TOP2B: variants seen among roughly 807,000 people sequenced by gnomAD.
TOP2B encodes the protein DNA topoisomerase II beta, also known as DNA topoisomerase 2-beta.
A neutral mutation model predicts 193.5 loss-of-function variants in TOP2B; 51 were observed. That is an observed-to-expected ratio of 0.26 (90% CI 0.21 to 0.33). The LOEUF is 0.33. Ranked by LOEUF, TOP2B falls within the 10% of genes least tolerant of loss-of-function variation. TOP2B has a pLI of 1.00. For synonymous variants in TOP2B, 634 were observed against 635.7 expected (o/e 1.00, Z 0.04); for missense variants, 1,378 against 1,909.3 (o/e 0.72, Z 5.19).
chr3:25,628,923 G>C lies in TOP2B; in HGVS notation c.1830C>G (p.Phe610Leu). ...KASKNKQELS[F>L]YSIPEFDEWK... is the part of the protein sequence containing the mutation. Reference sequence around the variant, plus strand: ...ATTCGTCAAATTCAGGAATACTGTAGAAGGAAAGTTCCTGCTTATTTTTGC... The same window carrying C: ...ATTCGTCAAATTCAGGAATACTGTACAAGGAAAGTTCCTGCTTATTTTTGC... Residue 610 changes from phenylalanine (F) to leucine (L), a missense_variant, in exon 15 of 36, where the codon TTC becomes TTG. Coordinates refer to ENST00000264331, the MANE Select transcript of TOP2B (RefSeq NM_001330700.2). 6.3e-7 allele frequency: 1 copy of C among 1,598,642 alleles called. No homozygotes were observed. Among genetic ancestry groups the C allele is most frequent in the Non-Finnish European group, 8.5e-7 (1 of 1,175,592 alleles).
chr3:25,634,314 G>T lies in TOP2B; in HGVS notation c.853-300C>A, dbSNP rs190275061. 6.8e-4 allele frequency among the ~76,000 whole-genome samples: 104 copies of T among 152,210 alleles called. 3 individuals carry two copies. In the East Asian group the frequency reaches 0.018, roughly 27 times the overall value. The stretch of plus-strand genomic sequence containing the variant: ...TAGACTTCCAGTTTCAGTTCAGACA[G>T]ATAATGAACTAGCAGGAAAAAAAGC... On this transcript the variant is annotated intron_variant, in intron 7 of 35. Transcript: ENST00000264331.
Position 25,624,444 on chromosome 3 carries a change from T to C in TOP2B, c.2348A>G (p.Gln783Arg), listed in dbSNP as rs753154522. 3 of 1,613,616 alleles carry C rather than the reference T, an allele frequency of 1.9e-6. No individual in the cohort carries two copies. The highest frequency in any genetic ancestry group is 2.5e-6 in the Non-Finnish European group (3 of 1,179,730). The change falls in exon 20 of 36, where the codon CAA (glutamine) becomes CGA (arginine). Residue 783 changes from glutamine to arginine, a missense_variant and splice_region_variant. Around this residue, in one of 9 missense-constraint regions of TOP2B, gnomAD observed 379 missense variants for 615.1 expected, o/e 0.62. Transcript: ENST00000264331. ...AEMSAYHHGE[Q>R]ALMMTIVNLA... ...ATTCACAATAGTCATCATCAATGCT[T>C]GCTATACAACAGAAGAAGGCAGAAC...
chr3:25,626,447 T>G, intron 18 of TOP2B, 113 bp downstream of exon 18: 1 of 568,914 alleles, frequency 1.8e-6, no homozygotes. Flanking sequence ...AAGCTCTTCA[T>G]ATACAAGATT....
rs773221985 is a variant in TOP2B, at chr3:25,601,109, T to C, written c.4606A>G (p.Thr1536Ala). Residue 1536 changes from threonine to alanine, a missense_variant, in exon 34 of 36, where the codon ACA (threonine) becomes GCA (alanine). Around this residue, in one of 9 missense-constraint regions of TOP2B, gnomAD observed 556 missense variants for 584.2 expected, o/e 0.95. Coordinates refer to ENST00000264331, the MANE Select transcript of TOP2B (RefSeq NM_001330700.2). ...SEFGIPKKTTTPKGKGRGAKK... is the reference protein window; with the variant it reads ...SEFGIPKKTTAPKGKGRGAKK... ...AGAAGATAATCCTCACCTTTTGGTG[T>C]TGTAGTCTTCTTTGGAATGCCAAAT... is the stretch of plus-strand genomic sequence containing the variant. 3 of 1,613,666 alleles carry C rather than the reference T, an allele frequency of 1.9e-6. No homozygotes were observed.
intron 1 of TOP2B, among the ~76,000 whole-genome samples, chr3:25,647,375 A>G (rs939911640): frequency 2.6e-5 from 4 of 152,208 alleles, no homozygotes; most frequent in Non-Finnish European, 5.9e-5. Context: ...GATAGATGCT[A>G]TGGAATCGAA....
At chr3:25,654,286 G>C (rs1430245353) in intron 1 of TOP2B, among the ~76,000 whole-genome samples, 3 of 152,084 alleles carry the variant, frequency 2.0e-5, no homozygotes, top group African/African-American at 4.8e-5. Flanking sequence ...TTTTCATGCA[G>C]TAACCATGAC....
chr3:25,598,876 G>GTGTT (rs760645867), intron 35 of TOP2B, among the ~76,000 whole-genome samples: 21 of 152,116 alleles, frequency 1.4e-4, no homozygotes, highest in Admixed American at 3.3e-4. Flanking sequence ...TGCACTGTAA[G>GTGTT]TGTTTAAAAA....
chr3:25,604,999 T>A, intron 32 of TOP2B, 129 bp from the exon 33 acceptor site: 1 of 638,188 alleles, frequency 1.6e-6, no homozygotes, highest in Non-Finnish European at 2.7e-6. Flanking sequence ...TGTGACCAAA[T>A]AATCCACAAT....
chr3:25,610,506 C>G (rs1371620791), intron 28 of TOP2B, among the ~76,000 whole-genome samples: 1 of 152,144 alleles, frequency 6.6e-6, no homozygotes, highest in African/African-American at 2.4e-5. Flanking sequence ...GGAAGGGCAT[C>G]CCAGGCAGAA....
intron 34 of TOP2B, among the ~76,000 whole-genome samples, chr3:25,600,860 A>C (rs1398649141): frequency 6.6e-6 from 1 of 152,156 alleles, no homozygotes; most frequent in Non-Finnish European, 1.5e-5. Context: ...ATTCTTAGGG[A>C]TTCTTATTTA....
intron 12 of TOP2B, 49 bp downstream of exon 12, chr3:25,630,263 T>G: frequency 6.5e-7 from 1 of 1,531,314 alleles, no homozygotes; most frequent in South Asian, 1.2e-5. Context: ...AAATGTCATA[T>G]GTATGTGTGC....
At chr3:25,651,320 A>G (rs1703581904) in intron 1 of TOP2B, among the ~76,000 whole-genome samples, 1 of 152,144 alleles carries the variant, frequency 6.6e-6, no homozygotes. Context: ...TATGGCATTG[A>G]AGTTACTAAT....
At chr3:25,659,486 T>A (rs1703847205) in intron 1 of TOP2B, among the ~76,000 whole-genome samples, 1 of 152,252 alleles carries the variant, frequency 6.6e-6, no homozygotes, top group African/African-American at 2.4e-5. Context: ...AGCACTACGA[T>A]AATCTTAATT....
intron 1 of TOP2B, among the ~76,000 whole-genome samples, chr3:25,663,575 C>T (rs1375726886): frequency 1.3e-5 from 2 of 152,140 alleles, no homozygotes; most frequent in Admixed American, 6.5e-5. Flanking sequence ...ATCCATTCAG[C>T]CCTCACCCCG....
intron 3 of TOP2B, among the ~76,000 whole-genome samples, chr3:25,643,344 C>A (rs566847907): frequency 1.3e-5 from 2 of 152,276 alleles, no homozygotes; most frequent in South Asian, 4.1e-4. Context: ...CCCACCAACT[C>A]AACGAATCTG....
rs1702025799 is a variant in TOP2B at position 25,599,387 on chromosome 3, CT to C, written c.4710+47del. 1.9e-6 allele frequency: 3 copies of C among 1,570,426 alleles called. No individual in the cohort carries two copies. The African/African-American group carries it at 4.1e-5, about 21-fold the overall frequency. On this transcript the variant is annotated intron_variant, in intron 35 of 35. Transcript: ENST00000264331. Reference sequence around the variant, plus strand: ...TAAGCAAACTAAGTCACTTACAGATCTTTTTTTAAAAAGCCATGCACTAATA... The same window carrying C: ...TAAGCAAACTAAGTCACTTACAGATCTTTTTTAAAAAGCCATGCACTAATA...
At chr3:25,654,140 T>C (rs1462369478) in intron 1 of TOP2B, among the ~76,000 whole-genome samples, 2 of 152,202 alleles carry the variant, frequency 1.3e-5, no homozygotes, top group Admixed American at 6.5e-5. Flanking sequence ...ATAAAAGGCA[T>C]AGAAATTGGA....
At chr3:25,629,917 T>G (rs542701870) in intron 13 of TOP2B, 112 bp downstream of exon 13, 502 of 1,137,498 alleles carry the variant, frequency 4.4e-4, no homozygotes, top group Non-Finnish European at 5.8e-4. Context: ...TTCCTCCTGA[T>G]GTATAATCAC....
At chr3:25,631,364 A>G (rs546730584) in intron 10 of TOP2B, among the ~76,000 whole-genome samples, 9 of 152,074 alleles carry the variant, frequency 5.9e-5, no homozygotes, top group Non-Finnish European at 1.3e-4. Flanking sequence ...ATTAACCTAA[A>G]AGGAACATTA....
Sources: allele counts gnomAD v4.1 joint callset (sites outside exome capture counted in the v4.1 genomes callset), GRCh38; gene constraint gnomAD v4.1.1; regional missense constraint gnomAD v4.1.1; transcripts MANE v1.5; gene names NCBI Gene and HGNC (gene_info 2026-07-23, HGNC 2026-07-21).